Variants in DOCK3 observed in about 807,000 individuals in gnomAD.
DOCK3 encodes dedicator of cytokinesis protein 3.
Under a neutral mutation model 265.6 loss-of-function variants are expected in DOCK3, and 60 were observed. That is an observed-to-expected ratio of 0.23 (90% CI 0.18 to 0.28). The LOEUF (loss-of-function observed/expected upper bound fraction) is 0.28. DOCK3 is among the 10% of genes least tolerant of loss of function. DOCK3 has a pLI of 1.00. For missense variants in DOCK3, 1,981 were observed against 2,594.3 expected, an observed-to-expected ratio of 0.76 and a Z score of 5.14; for synonymous variants, 881 against 938.0, an observed-to-expected ratio of 0.94 and a Z score of 1.11.
intron 3 of DOCK3, chr3:50,877,153 A>G (rs887180432): frequency 6.0e-5 from 17 of 282,338 alleles, no homozygotes; most frequent in Non-Finnish European, 4.2e-5. Flanking sequence ...TCCCCCTGGG[A>G]AAGCCACCTG....
intron 1 of DOCK3, among the ~76,000 whole-genome samples, chr3:50,776,666 G>A (rs2041618898): frequency 6.6e-6 from 1 of 152,002 alleles, no homozygotes; most frequent in Non-Finnish European, 1.5e-5. Flanking sequence ...GTTCAGGAGA[G>A]TTTTTTTCCA....
intron 12 of DOCK3, among the ~76,000 whole-genome samples, chr3:51,201,075 A>C (rs1367772835): frequency 6.6e-6 from 1 of 152,194 alleles, no homozygotes; most frequent in Admixed American, 6.5e-5. Flanking sequence ...AAATCATGCC[A>C]AAATGTAAAG....
intron 9 of DOCK3, among the ~76,000 whole-genome samples, chr3:51,132,471 G>T (rs1224943802): frequency 1.3e-5 from 2 of 152,100 alleles, no homozygotes; most frequent in African/African-American, 4.8e-5. Flanking sequence ...ACATTATCTT[G>T]CCTGGCAACT....
chr3:51,307,535 C>T (rs1477279089), intron 27 of DOCK3, among the ~76,000 whole-genome samples: 2 of 152,168 alleles, frequency 1.3e-5, no homozygotes, highest in Non-Finnish European at 2.9e-5. Context: ...ATCAATAACT[C>T]TCCGCATTTT....
intron 49 of DOCK3, among the ~76,000 whole-genome samples, chr3:51,373,104 A>G (rs2087817172): frequency 6.6e-6 from 1 of 152,230 alleles, no homozygotes; most frequent in South Asian, 2.1e-4. Flanking sequence ...TCTTCAAAGT[A>G]TTTTAGCCTC....
intron 1 of DOCK3, among the ~76,000 whole-genome samples, chr3:50,776,671 T>C (rs1406802531): frequency 6.6e-6 from 1 of 152,170 alleles, no homozygotes; most frequent in Non-Finnish European, 1.5e-5. Context: ...GGAGAGTTTT[T>C]TTCCATGTTA....
At chr3:50,699,271 T>C (rs898151145) in intron 1 of DOCK3, among the ~76,000 whole-genome samples, 2 of 152,232 alleles carry the variant, frequency 1.3e-5, no homozygotes, top group African/African-American at 4.8e-5. Context: ...TTCACTGGTC[T>C]ATTTGTCTGT....
At chr3:51,366,238 T>G (rs1024704742) in intron 49 of DOCK3, among the ~76,000 whole-genome samples, 1 of 152,198 alleles carries the variant, frequency 6.6e-6, no homozygotes, top group African/African-American at 2.4e-5. Flanking sequence ...GTCCAGGAAT[T>G]TATCCATTTC....
chr3:50,980,672 C>G (rs775333850), intron 5 of DOCK3, among the ~76,000 whole-genome samples: 6 of 152,022 alleles, frequency 3.9e-5, no homozygotes, highest in Admixed American at 2.6e-4. Context: ...CTTTGTCTTT[C>G]TGGTTCAATC....
intron 23 of DOCK3, among the ~76,000 whole-genome samples, chr3:51,260,874 C>T (rs764093313): frequency 4.6e-5 from 7 of 152,148 alleles, no homozygotes; most frequent in Non-Finnish European, 1.0e-4. Context: ...GTCCCAGCTA[C>T]TCAGGAGGCT....
rs553872952 is a variant in DOCK3 at position 50,972,257 on chromosome 3, A to G, written c.315+38180A>G. The stretch of plus-strand genomic sequence containing the variant: ...ACCAGTGGGGATGCTGCTGCCCCCT[A>G]ATCGCCCTAGAATAGGCATCCTCCA... On this transcript the variant is annotated intron_variant, in intron 5 of 52. Transcript: ENST00000266037. Among the ~76,000 whole-genome samples the G allele has an allele frequency of 7.9e-5, 12 of 152,290 alleles. No homozygotes were observed. In the South Asian group the frequency reaches 2.5e-3, roughly 32 times the overall value.
chr3:50,710,793 T>A (rs2036712809), intron 1 of DOCK3, among the ~76,000 whole-genome samples: 1 of 152,122 alleles, frequency 6.6e-6, no homozygotes. Flanking sequence ...AAAGAAACTG[T>A]GATATGGACA....
intron 12 of DOCK3, among the ~76,000 whole-genome samples, chr3:51,167,571 C>T (rs1358232175): frequency 6.6e-6 from 1 of 152,006 alleles, no homozygotes; most frequent in Non-Finnish European, 1.5e-5. Flanking sequence ...TTAATTCTTC[C>T]AATTTATGAA....
chr3:51,214,957 A>G (rs942241305), intron 14 of DOCK3, among the ~76,000 whole-genome samples: 4 of 152,218 alleles, frequency 2.6e-5, no homozygotes, highest in African/African-American at 9.6e-5. Flanking sequence ...CAAGGGGGCT[A>G]TCAGGAGTGA....
At chr3:50,705,715 G>C (rs186792275) in intron 1 of DOCK3, among the ~76,000 whole-genome samples, 3 of 152,162 alleles carry the variant, frequency 2.0e-5, no homozygotes, top group African/African-American at 7.2e-5. Context: ...CTGCCCAGTC[G>C]AGATCTGATG....
In DOCK3 at chr3:51,295,175, G is replaced by A. The variant is rs114365350; in HGVS notation, c.2922+14971G>A. 1.7e-3 allele frequency among the ~76,000 whole-genome samples: 257 copies of A among 152,304 alleles called. 1 individual carries two copies. Among genetic ancestry groups the A allele is most frequent in the Non-Finnish European group, 2.9e-3 (200 of 68,004 alleles). ...GGCTGATTAGTTTATAAAGAAAAAG[G>A]GTTTATTTGGCTTACAATTCTAATG... On this transcript the variant is annotated intron_variant, in intron 27 of 52. Coordinates refer to ENST00000266037, the MANE Select transcript of DOCK3 (RefSeq NM_004947.5).
chr3:50,707,197 C>T (rs958457921), intron 1 of DOCK3, among the ~76,000 whole-genome samples: 3 of 150,442 alleles, frequency 2.0e-5, no homozygotes, highest in African/African-American at 7.3e-5. Flanking sequence ...AACTTCTTTT[C>T]AAAATTACCC....
intron 1 of DOCK3, among the ~76,000 whole-genome samples, chr3:50,709,181 T>G (rs2036599707): frequency 6.6e-6 from 1 of 152,210 alleles, no homozygotes; most frequent in African/African-American, 2.4e-5. Context: ...TTTCTTCACT[T>G]TATTGTTGGA....
chr3:51,279,698 C>G (rs2063236896), intron 26 of DOCK3, among the ~76,000 whole-genome samples: 1 of 152,164 alleles, frequency 6.6e-6, no homozygotes, highest in Non-Finnish European at 1.5e-5. Flanking sequence ...AAGGGCTGCT[C>G]TAGTCCAGCA....
Sources: gnomAD v4.1 joint callset for allele counts (sites outside exome capture counted in the v4.1 genomes callset) on GRCh38, gnomAD v4.1.1 for gene constraint, MANE v1.5 for transcripts, NCBI Gene and HGNC (gene_info 2026-07-23, HGNC 2026-07-21) for gene names.